IMMP2L: variants seen among roughly 807,000 people sequenced by gnomAD.
The protein encoded by IMMP2L is mitochondrial inner membrane protease subunit 2.
IMMP2L carries 18 observed loss-of-function variants against 19.3 expected under a neutral mutation model. The observed-to-expected ratio is 0.93, with a 90% CI of 0.64 to 1.38. IMMP2L has a LOEUF of 1.38. IMMP2L is among the 40% of genes most tolerant of loss of function. The probability of loss-of-function intolerance (pLI) is 0.00; values close to 1 mark genes in which losing one functional copy is unlikely to be tolerated. For missense variants in IMMP2L, 233 were observed against 218.2 expected, an observed-to-expected ratio of 1.07 and a Z score of -0.43; for synonymous variants, 76 against 73.0, an observed-to-expected ratio of 1.04 and a Z score of -0.21.
chr7:110,780,761 C>T (rs1799683020), intron 5 of IMMP2L, among the ~76,000 whole-genome samples: 2 of 150,200 alleles, frequency 1.3e-5, no homozygotes, highest in South Asian at 4.2e-4. Context: ...CTTACCCAAA[C>T]TTAAAAGCAT....
chr7:110,664,134 A>G (rs144331391), intron 5 of IMMP2L, among the ~76,000 whole-genome samples: 530 of 152,324 alleles, frequency 3.5e-3, no homozygotes, highest in African/African-American at 0.012. Flanking sequence ...GCCTATTTGC[A>G]TAGACCCAGG....
chr7:111,114,870 C>G (rs1799685799), intron 3 of IMMP2L, among the ~76,000 whole-genome samples: 1 of 151,954 alleles, frequency 6.6e-6, no homozygotes, highest in Admixed American at 6.6e-5. Flanking sequence ...AATGAAGTCA[C>G]TAAAGGTCAC....
rs183105148 is a variant in IMMP2L, at chr7:111,023,526, C to A, written c.240-59961G>T. ...GACCAGCCTGGCCAAATCGTGAAACCCTGTCTACTAAAAATACAAAAAAAA... is the reference window on the plus strand; with the variant it reads ...GACCAGCCTGGCCAAATCGTGAAACACTGTCTACTAAAAATACAAAAAAAA... On this transcript the variant is annotated intron_variant, in intron 3 of 5. Transcript: ENST00000405709. Among the ~76,000 whole-genome samples, 80 of 146,556 alleles carry A rather than the reference C, an allele frequency of 5.5e-4. No individual in the cohort carries two copies. In the East Asian group the frequency reaches 9.1e-3, roughly 17 times the overall value.
intron 3 of IMMP2L, among the ~76,000 whole-genome samples, chr7:111,439,968 C>G (rs1210735870): frequency 1.3e-5 from 2 of 151,914 alleles, no homozygotes; most frequent in Non-Finnish European, 1.5e-5. Context: ...CAAGAAACTA[C>G]TTTCTTTGCT....
chr7:111,548,565 G>T (rs1355027972), intron 1 of IMMP2L, among the ~76,000 whole-genome samples: 1 of 152,038 alleles, frequency 6.6e-6, no homozygotes, highest in Non-Finnish European at 1.5e-5. Flanking sequence ...CATGTCAATG[G>T]TACTAACAGG....
At chr7:111,392,710 C>G (rs1832480346) in intron 3 of IMMP2L, 2 of 455,208 alleles carry the variant, frequency 4.4e-6, no homozygotes, top group Non-Finnish European at 8.8e-6. Context: ...TCCAACTTGG[C>G]TATAAAGTCT....
intron 3 of IMMP2L, among the ~76,000 whole-genome samples, chr7:111,373,408 T>G (rs1057123186): frequency 6.6e-6 from 1 of 151,884 alleles, no homozygotes; most frequent in Non-Finnish European, 1.5e-5. Context: ...TACATTGAAA[T>G]TGAGAAAAAA....
At position 111,193,092 on chromosome 7, in the gene IMMP2L, TGGGAGAACA is replaced by T. The variant is rs1482213663; in HGVS notation, c.240-229536_240-229528del. 3.3e-5 allele frequency among the ~76,000 whole-genome samples: 5 copies of T among 152,224 alleles called. No homozygotes were observed. The East Asian group carries it at 9.6e-4, about 29-fold the overall frequency. On this transcript the variant is annotated intron_variant, in intron 3 of 5. Coordinates refer to ENST00000405709, the MANE Select transcript of IMMP2L (RefSeq NM_032549.4). ...TTGAGTAAAAGCAACTGTTCAAACA[TGGGAGAACA>T]GAGAGAAAGGAAAAGATTGAGGAGA...
At chr7:111,169,342 C>T (rs551284594) in intron 3 of IMMP2L, among the ~76,000 whole-genome samples, 44 of 151,886 alleles carry the variant, frequency 2.9e-4, no homozygotes, top group Non-Finnish European at 5.9e-4. Flanking sequence ...TACTTCAGGA[C>T]GTTAATCCAA....
intron 4 of IMMP2L, among the ~76,000 whole-genome samples, chr7:110,931,767 C>T (rs926027764): frequency 6.6e-5 from 10 of 152,138 alleles, no homozygotes; most frequent in African/African-American, 2.4e-4. Context: ...ATAAGCTCTG[C>T]CATGGTCTAG....
chr7:110,908,972 G>A (rs183672141), intron 4 of IMMP2L, among the ~76,000 whole-genome samples: 8 of 152,258 alleles, frequency 5.3e-5, no homozygotes, highest in East Asian at 3.9e-4. Flanking sequence ...TATCATACCC[G>A]TGGTAAAGAC....
chr7:110,786,483 A>G (rs567901596), intron 5 of IMMP2L, among the ~76,000 whole-genome samples: 1 of 152,074 alleles, frequency 6.6e-6, no homozygotes, highest in South Asian at 2.1e-4. Flanking sequence ...AAATGGAGGA[A>G]ATGAAACAAG....
At chr7:111,088,703 A>T (rs1796563786) in intron 3 of IMMP2L, among the ~76,000 whole-genome samples, 1 of 152,194 alleles carries the variant, frequency 6.6e-6, no homozygotes, top group South Asian at 2.1e-4. Flanking sequence ...TCCTTACTGT[A>T]TTACAATGTA....
chr7:111,095,615 G>A (rs910518407), intron 3 of IMMP2L, among the ~76,000 whole-genome samples: 2 of 151,908 alleles, frequency 1.3e-5, no homozygotes, highest in Admixed American at 1.3e-4. Flanking sequence ...AAAAATTAGA[G>A]TTTTGCCCTG....
chr7:110,898,728 C>A (rs755737352), intron 4 of IMMP2L, among the ~76,000 whole-genome samples: 1 of 151,934 alleles, frequency 6.6e-6, no homozygotes, highest in African/African-American at 2.4e-5. Context: ...TGAGTCTACA[C>A]TGGCTCTTCC....
At chr7:111,209,328 C>A (rs375105750) in intron 3 of IMMP2L, among the ~76,000 whole-genome samples, 1 of 144,032 alleles carries the variant, frequency 6.9e-6, no homozygotes, top group African/African-American at 2.6e-5. Flanking sequence ...ACCCAGGAGA[C>A]GGAGGTTGCA....
At chr7:111,044,570 AAAAAT>A (rs1792206365) in intron 3 of IMMP2L, among the ~76,000 whole-genome samples, 1 of 152,132 alleles carries the variant, frequency 6.6e-6, no homozygotes, top group Non-Finnish European at 1.5e-5. Context: ...TCAAAAAAAT[AAAAAT>A]AAAAATAAAA....
chr7:111,312,520 G>T (rs1310503049), intron 3 of IMMP2L, among the ~76,000 whole-genome samples: 1 of 152,098 alleles, frequency 6.6e-6, no homozygotes, highest in Non-Finnish European at 1.5e-5. Context: ...CTGTTTACGT[G>T]ACTATCCTTG....
intron 3 of IMMP2L, among the ~76,000 whole-genome samples, chr7:111,065,830 T>G (rs73201062): frequency 0.011 from 1,692 of 152,142 alleles, 17 homozygotes; most frequent in Non-Finnish European, 0.019. Flanking sequence ...AAGATAATAC[T>G]ACTTAATAAA....
Sources: allele counts gnomAD v4.1 joint callset (sites outside exome capture counted in the v4.1 genomes callset), GRCh38; gene constraint gnomAD v4.1.1; transcripts MANE v1.5; gene names NCBI Gene and HGNC (gene_info 2026-07-23, HGNC 2026-07-21).